SEMA3C: variants seen among roughly 807,000 people sequenced by gnomAD.
SEMA3C encodes the protein semaphorin-3C.
SEMA3C carries 47 observed loss-of-function variants against 89.4 expected under a neutral mutation model. The observed-to-expected ratio is 0.53, with a 90% CI of 0.42 to 0.67. The LOEUF (loss-of-function observed/expected upper bound fraction) is 0.67, where lower values mean the gene tolerates loss of function less well. Among genes scored for constraint, SEMA3C ranks in the 30% least tolerant of loss-of-function variants. The probability of loss-of-function intolerance (pLI) is 0.00; values close to 1 mark genes in which losing one functional copy is unlikely to be tolerated. For synonymous variants in SEMA3C, 310 were observed against 320.2 expected, an observed-to-expected ratio of 0.97 and a Z score of 0.34; for missense variants, 839 against 929.1, an observed-to-expected ratio of 0.90 and a Z score of 1.26.
chr7:80,852,335 G>T (rs1436299357), intron 2 of SEMA3C, among the ~76,000 whole-genome samples: 1 of 152,126 alleles, frequency 6.6e-6, no homozygotes, highest in East Asian at 1.9e-4. Flanking sequence ...ACAGTAGCCG[G>T]TGTCACTTGT....
At chr7:80,874,697 A>C (rs1259527500) in intron 2 of SEMA3C, among the ~76,000 whole-genome samples, 1 of 151,936 alleles carries the variant, frequency 6.6e-6, no homozygotes, top group African/African-American at 2.4e-5. Flanking sequence ...TGAACTCCTG[A>C]CCTCAGTTAA....
At chr7:80,859,940 G>A (rs1256869200) in intron 2 of SEMA3C, among the ~76,000 whole-genome samples, 1 of 151,736 alleles carries the variant, frequency 6.6e-6, no homozygotes, top group Admixed American at 6.6e-5. Flanking sequence ...AAATAATCGG[G>A]TTTCAAAAAT....
At chr7:80,836,009 C>A in intron 2 of SEMA3C, among the ~76,000 whole-genome samples, 1 of 152,322 alleles carries the variant, frequency 6.6e-6, no homozygotes, top group Non-Finnish European at 1.5e-5. Flanking sequence ...TCGACAGTTA[C>A]TAGTTGGGTT....
chr7:80,878,116 A>G (rs531254449), intron 2 of SEMA3C, among the ~76,000 whole-genome samples: 1 of 152,278 alleles, frequency 6.6e-6, no homozygotes, highest in South Asian at 2.1e-4. Context: ...GGTGGCTCAC[A>G]CCTGTAATCC....
At chr7:80,771,738 C>T (rs1046083237) in intron 12 of SEMA3C, among the ~76,000 whole-genome samples, 1 of 152,096 alleles carries the variant, frequency 6.6e-6, no homozygotes, top group African/African-American at 2.4e-5. Context: ...CTTTCCCCTG[C>T]GCTTCTGAGG....
At chr7:80,768,462 C>T (rs1355112680) in intron 12 of SEMA3C, among the ~76,000 whole-genome samples, 1 of 151,026 alleles carries the variant, frequency 6.6e-6, no homozygotes, top group Non-Finnish European at 1.5e-5. Context: ...TGCAGTGAGC[C>T]AAGATCGCGC....
rs560534754 is a variant in SEMA3C, at chr7:80,823,525, A to G, written c.327+3900T>C. 7.9e-5 allele frequency among the ~76,000 whole-genome samples: 12 copies of G among 152,288 alleles called. No homozygotes were observed. The East Asian group carries it at 2.3e-3, about 29-fold the overall frequency. ...TAAAAATATTGACTCATTATGGTCC[A>G]TAATCTGCAATGACACAAAAATACT... On this transcript the variant is annotated intron_variant, in intron 4 of 17. Transcript: ENST00000265361.
At chr7:80,816,373 T>C (rs1334738849) in intron 5 of SEMA3C, 1 of 152,116 alleles carries the variant, frequency 6.6e-6, no homozygotes, top group African/African-American at 2.4e-5. Context: ...AAAAATGTCA[T>C]CTCTTAATAA....
At chr7:80,825,297 T>C (rs1187296035) in intron 4 of SEMA3C, among the ~76,000 whole-genome samples, 1 of 152,140 alleles carries the variant, frequency 6.6e-6, no homozygotes, top group Non-Finnish European at 1.5e-5. Context: ...ATTTTTTGAT[T>C]AGTATTTCCC....
Position 80,842,089 on chromosome 7 carries a change from G to T in SEMA3C, c.104-13344C>A, listed in dbSNP as rs75321048. On this transcript the variant is annotated intron_variant, in intron 2 of 17. Coordinates refer to ENST00000265361, the MANE Select transcript of SEMA3C (RefSeq NM_006379.5). ...GGTCAGTGACTCTGCAGTGCTCAGCGGCTGGAGCAGAGATTTAAACAGTCC... is the reference window on the plus strand; with the variant it reads ...GGTCAGTGACTCTGCAGTGCTCAGCTGCTGGAGCAGAGATTTAAACAGTCC... 5.7e-3 allele frequency among the ~76,000 whole-genome samples: 871 copies of T among 152,212 alleles called. 35 individuals carry two copies. The East Asian group carries it at 0.099, about 17-fold the overall frequency.
At position 80,744,588 on chromosome 7, in the gene SEMA3C, G is replaced by T; in HGVS notation, c.*306C>A. On this transcript the variant is annotated 3_prime_UTR_variant, in exon 18 of 18. Transcript: ENST00000265361. ...AGGGATATGGCCCTCATTCAATTGAGGGATGCAACAATTCTAGTTTTGCAG... is the reference window on the plus strand; with the variant it reads ...AGGGATATGGCCCTCATTCAATTGATGGATGCAACAATTCTAGTTTTGCAG... The T allele has an allele frequency of 2.7e-6, 1 of 375,820 alleles. No individual in the cohort carries two copies. Among genetic ancestry groups the T allele is most frequent in the Non-Finnish European group, 4.9e-6 (1 of 205,498 alleles). 23.3% of individuals were successfully genotyped at this position (375,820 alleles called of 1,614,324 possible).
chr7:80,900,537 A>T (rs1448357388), intron 2 of SEMA3C, among the ~76,000 whole-genome samples: 1 of 152,200 alleles, frequency 6.6e-6, no homozygotes, highest in Non-Finnish European at 1.5e-5. Flanking sequence ...TAGCCTAGTA[A>T]ACAGTTGAGG....
chr7:80,864,996 A>G (rs568656716), intron 2 of SEMA3C, among the ~76,000 whole-genome samples: 16 of 152,210 alleles, frequency 1.1e-4, no homozygotes, highest in African/African-American at 3.4e-4. Context: ...ATTACCCTAC[A>G]TCACATATTA....
chr7:80,803,475 T>G (rs1182393135), intron 8 of SEMA3C, among the ~76,000 whole-genome samples: 2 of 152,170 alleles, frequency 1.3e-5, no homozygotes, highest in Non-Finnish European at 2.9e-5. Flanking sequence ...CACTAAGCAC[T>G]TTAAGAAACA....
chr7:80,889,894 T>C (rs1281992398), intron 2 of SEMA3C, among the ~76,000 whole-genome samples: 1 of 152,210 alleles, frequency 6.6e-6, no homozygotes, highest in Non-Finnish European at 1.5e-5. Context: ...ATCATTCAGA[T>C]TATACCTTTG....
At chr7:80,864,305 G>T (rs1790875243) in intron 2 of SEMA3C, among the ~76,000 whole-genome samples, 1 of 151,972 alleles carries the variant, frequency 6.6e-6, no homozygotes, top group South Asian at 2.1e-4. Context: ...CAATGCTCAG[G>T]TGATGGGTGC....
At chr7:80,880,361 T>C (rs536526482) in intron 2 of SEMA3C, among the ~76,000 whole-genome samples, 1 of 152,324 alleles carries the variant, frequency 6.6e-6, no homozygotes, top group African/African-American at 2.4e-5. Context: ...TAAGATTCAC[T>C]ATAGTACAAG....
At chr7:80,751,469 T>C in intron 15 of SEMA3C, 133 bp from the exon 16 acceptor site, 1 of 697,790 alleles carries the variant, frequency 1.4e-6, no homozygotes. Flanking sequence ...AAAAGAGTTC[T>C]GATTGATGCA....
At chr7:80,906,085 C>A (rs1214119382) in intron 2 of SEMA3C, among the ~76,000 whole-genome samples, 1 of 152,020 alleles carries the variant, frequency 6.6e-6, no homozygotes, top group Non-Finnish European at 1.5e-5. Context: ...TCTTATCGAT[C>A]CATAATTCAC....
Sources: gnomAD v4.1 joint callset for allele counts (sites outside exome capture counted in the v4.1 genomes callset) on GRCh38, gnomAD v4.1.1 for gene constraint, MANE v1.5 for transcripts, NCBI Gene and HGNC (gene_info 2026-07-23, HGNC 2026-07-21) for gene names.